NRXN3: variants seen among roughly 807,000 people sequenced by gnomAD.
NRXN3 encodes neurexin III.
A neutral mutation model predicts 137.6 loss-of-function variants in NRXN3; 32 were observed. The ratio of observed to expected loss-of-function variants is 0.23; its 90% CI spans 0.18 to 0.31. NRXN3 has a LOEUF of 0.31. Ranked by LOEUF, NRXN3 falls within the 10% of genes least tolerant of loss-of-function variation. The pLI is 1.00. For synonymous variants in NRXN3, 798 were observed against 784.5 expected, an observed-to-expected ratio of 1.02 and a Z score of -0.29; for missense variants, 1,574 against 2,062.5, an observed-to-expected ratio of 0.76 and a Z score of 4.59.
chr14:78,843,039 G>C (rs2099016954), intron 10 of NRXN3, among the ~76,000 whole-genome samples: 1 of 152,112 alleles, frequency 6.6e-6, no homozygotes, highest in Non-Finnish European at 1.5e-5. Context: ...ATCCTCCTCA[G>C]CTTATGAAGA....
intron 20 of NRXN3, among the ~76,000 whole-genome samples, chr14:79,845,388 C>T (rs1428159147): frequency 3.3e-5 from 5 of 152,254 alleles, no homozygotes; most frequent in Non-Finnish European, 7.3e-5. Flanking sequence ...AACATGCCTT[C>T]CTCACTAAGC....
chr14:79,374,672 AC>A (rs1420416877), intron 15 of NRXN3, among the ~76,000 whole-genome samples: 3 of 152,086 alleles, frequency 2.0e-5, no homozygotes, highest in Admixed American at 2.0e-4. Flanking sequence ...TCAATTGCCA[AC>A]TAAAGTATCT....
At chr14:78,637,107 C>G (rs918804376) in intron 4 of NRXN3, among the ~76,000 whole-genome samples, 1 of 152,166 alleles carries the variant, frequency 6.6e-6, no homozygotes, top group South Asian at 2.1e-4. Context: ...CACTCATTAG[C>G]TGAATTTCTT....
intron 15 of NRXN3, among the ~76,000 whole-genome samples, chr14:79,383,715 A>C (rs963794000): frequency 6.6e-6 from 1 of 152,184 alleles, no homozygotes; most frequent in Non-Finnish European, 1.5e-5. Context: ...CTACTGCCTG[A>C]ATGAGCTCCA....
chr14:78,243,670 G>A lies in NRXN3; in HGVS notation c.577G>A (p.Gly193Ser), dbSNP rs2067289303. 3 of 1,598,422 alleles carry A rather than the reference G, an allele frequency of 1.9e-6. No individual in the cohort carries two copies. ...GGAGCCTCGGCTTCTGGGGAGCCGG[G>A]GTGTCCAGATGGATGCCGAGGGACC... is the stretch of plus-strand genomic sequence containing the variant. ...NSEPRLLGSRGVQMDAEGPCG... is the reference protein window; with the variant it reads ...NSEPRLLGSRSVQMDAEGPCG... The change falls in exon 2 of 21, where the codon GGT becomes AGT. Residue 193 changes from glycine to serine, a missense_variant. This residue lies in a region of NRXN3 where 400 missense variants were observed against 527.3 expected (regional missense o/e 0.76). Coordinates refer to ENST00000335750, the MANE Select transcript of NRXN3 (RefSeq NM_001330195.2). This position sits in a 1 kb window ranked among gnomAD's most constrained non-coding sequence, Gnocchi z 4.2.
intron 8 of NRXN3, among the ~76,000 whole-genome samples, chr14:78,768,974 A>T (rs761706070): frequency 6.6e-6 from 1 of 152,210 alleles, no homozygotes; most frequent in Non-Finnish European, 1.5e-5. Flanking sequence ...TAATTGACTC[A>T]ATCTCCTCCA....
At chr14:79,003,844 AT>A (rs1457512408) in intron 15 of NRXN3, among the ~76,000 whole-genome samples, 1 of 152,156 alleles carries the variant, frequency 6.6e-6, no homozygotes. Context: ...CAAAACCTTA[AT>A]CATGGCGATT....
chr14:78,374,482 T>A (rs1477743817), intron 4 of NRXN3, among the ~76,000 whole-genome samples: 1 of 152,120 alleles, frequency 6.6e-6, no homozygotes, highest in Non-Finnish European at 1.5e-5. Context: ...TTTAAAAAGC[T>A]GGTGGTGAAT....
At chr14:79,460,298 G>A (rs1244502248) in intron 15 of NRXN3, among the ~76,000 whole-genome samples, 1 of 152,132 alleles carries the variant, frequency 6.6e-6, no homozygotes, top group African/African-American at 2.4e-5. Flanking sequence ...AAGCATATTT[G>A]TAAGAACAGG....
At chr14:78,320,295 A>G (rs1332730259) in intron 4 of NRXN3, among the ~76,000 whole-genome samples, 1 of 152,224 alleles carries the variant, frequency 6.6e-6, no homozygotes, top group African/African-American at 2.4e-5. Context: ...GAAGCATTTA[A>G]AACCTAAATC....
chr14:78,258,305 A>C (rs960631597), intron 2 of NRXN3, among the ~76,000 whole-genome samples: 7 of 152,248 alleles, frequency 4.6e-5, no homozygotes, highest in African/African-American at 1.7e-4. Context: ...TGTGAGGAGC[A>C]GGTTTGGGGT....
chr14:78,439,564 C>T (rs992304479), intron 4 of NRXN3, among the ~76,000 whole-genome samples: 2 of 152,204 alleles, frequency 1.3e-5, no homozygotes, highest in African/African-American at 4.8e-5. Flanking sequence ...GAGATCAGAT[C>T]CCAGGAAGTC....
At chr14:78,654,287 C>A (rs1276218133) in intron 6 of NRXN3, among the ~76,000 whole-genome samples, 1 of 152,204 alleles carries the variant, frequency 6.6e-6, no homozygotes, top group African/African-American at 2.4e-5. Flanking sequence ...AATTATTTCA[C>A]AATCTCTTCT....
intron 4 of NRXN3, among the ~76,000 whole-genome samples, chr14:78,337,873 T>C (rs2081654926): frequency 6.6e-6 from 1 of 152,046 alleles, no homozygotes; most frequent in African/African-American, 2.4e-5. Flanking sequence ...CAATGAAGTA[T>C]ATAGTTGGGT....
chr14:79,524,084 C>T (rs1190120905), intron 16 of NRXN3, among the ~76,000 whole-genome samples: 1 of 152,102 alleles, frequency 6.6e-6, no homozygotes, highest in East Asian at 1.9e-4. Context: ...AACTATCTTG[C>T]GGAGGAGAGG....
intron 4 of NRXN3, among the ~76,000 whole-genome samples, chr14:78,331,540 C>T (rs781643614): frequency 2.0e-5 from 3 of 152,120 alleles, no homozygotes; most frequent in Non-Finnish European, 4.4e-5. Context: ...CATAAAAAGG[C>T]AGAGTGTTTA....
At chr14:78,503,353 C>G (rs891847350) in intron 4 of NRXN3, among the ~76,000 whole-genome samples, 1 of 152,096 alleles carries the variant, frequency 6.6e-6, no homozygotes, top group Non-Finnish European at 1.5e-5. Context: ...GAAGGAAAGG[C>G]CAGGAGAACA....
rs1385599857 is a variant in NRXN3, at chr14:78,714,993, C to G, written c.1898C>G (p.Ala633Gly). The change falls in exon 8 of 21, where the codon GCG (alanine) becomes GGG (glycine). Residue 633 changes from alanine to glycine, a missense_variant. By Grantham distance (60) the Ala-to-Gly change is moderately conservative. This residue lies in a region of NRXN3 where 718 missense variants were observed against 887.6 expected (regional missense o/e 0.81). Transcript: ENST00000335750. ...IRQLAEMQNA[A>G]GVKSSCSRMS... is the part of the protein sequence containing the mutation. ...CAGCTGGCAGAGATGCAGAATGCTG[C>G]GGGTGTCAAGTCCTCCTGTTCACGG... is the stretch of plus-strand genomic sequence containing the variant. The G allele has an allele frequency of 6.2e-7, 1 of 1,614,006 alleles. No homozygotes were observed. The highest frequency in any genetic ancestry group is 1.7e-5 in the Admixed American group (1 of 60,002).
intron 15 of NRXN3, among the ~76,000 whole-genome samples, chr14:79,298,328 A>G (rs2084545309): frequency 6.6e-6 from 1 of 152,062 alleles, no homozygotes; most frequent in Non-Finnish European, 1.5e-5. Context: ...ATAAAGATAT[A>G]ATTCCAGTTA....
Sources: gnomAD v4.1 joint callset for allele counts (sites outside exome capture counted in the v4.1 genomes callset) on GRCh38, gnomAD v4.1.1 for gene constraint, gnomAD v4.1.1 regional missense constraint, Gnocchi (gnomAD v3.1) non-coding constraint, MANE v1.5 for transcripts, NCBI Gene and HGNC (gene_info 2026-07-23, HGNC 2026-07-21) for gene names.